The following TBCD variants were observed in gnomAD, a reference collection of about 807,000 sequenced individuals.
TBCD encodes the protein tubulin-specific chaperone D.
TBCD carries 105 observed loss-of-function variants against 169.3 expected under a neutral mutation model. The ratio of observed to expected loss-of-function variants is 0.62; its 90% CI spans 0.53 to 0.73. TBCD has a LOEUF of 0.73. Ranked by LOEUF, TBCD falls within the 30% of genes least tolerant of loss-of-function variation. The pLI, the probability that TBCD is intolerant of heterozygous loss-of-function variation, is 0.00. For synonymous variants in TBCD, 700 were observed against 643.9 expected (o/e 1.09, Z -1.32); for missense variants, 1,444 against 1,600.1 (o/e 0.90, Z 1.66).
intron 13 of TBCD, chr17:82,858,747 A>C: frequency 1.3e-6 from 1 of 764,584 alleles, no homozygotes; most frequent in Non-Finnish European, 1.6e-6. Flanking sequence ...TGAGTGTGTG[A>C]AGGGCCTGTC....
At chr17:82,911,833 A>G in intron 23 of TBCD, 44 bp downstream of exon 23, 1 of 1,610,322 alleles carries the variant, frequency 6.2e-7, no homozygotes, top group Non-Finnish European at 8.5e-7. Flanking sequence ...CCTTTGCCGC[A>G]GCCATCGTTG....
At chr17:82,792,399 A>G (rs1172472412) in intron 7 of TBCD, among the ~76,000 whole-genome samples, 3 of 152,210 alleles carry the variant, frequency 2.0e-5, no homozygotes, top group Admixed American at 6.5e-5. Context: ...ATGTATATAT[A>G]AAATCCTTTT....
intron 2 of TBCD, among the ~76,000 whole-genome samples, chr17:82,762,809 G>C (rs1016585135): frequency 5.9e-5 from 9 of 151,928 alleles, no homozygotes; most frequent in African/African-American, 2.2e-4. Flanking sequence ...AGATTGTACT[G>C]TTGACCATTT....
Position 82,921,331 on chromosome 17 carries a change from GC to G in TBCD, c.2102-168del. The G allele has an allele frequency of 4.7e-6, 3 of 639,970 alleles. No homozygotes were observed. The South Asian group carries it at 5.5e-5, about 12-fold the overall frequency. 39.6% of individuals were successfully genotyped at this position (639,970 alleles called of 1,614,324 possible). On this transcript the variant is annotated intron_variant, in intron 24 of 38. Coordinates refer to ENST00000355528, the MANE Select transcript of TBCD (RefSeq NM_005993.5). ...AATTTAACAGCCATGAGAGGAAGGG[GC>G]CTTAGACTTAACACAACGTGGAGAA...
chr17:82,921,416 G>A (rs968050328), intron 24 of TBCD, 85 bp from the exon 25 acceptor site: 2 of 1,070,238 alleles, frequency 1.9e-6, no homozygotes, highest in Non-Finnish European at 2.9e-6. Context: ...TTTAAGATTA[G>A]TATTAATAGA....
chr17:82,929,418 C>A lies in TBCD; in HGVS notation c.2909C>A (p.Thr970Asn). Residue 970 changes from threonine to asparagine, a missense_variant, in exon 32 of 39, where the codon ACC (threonine) becomes AAC (asparagine). Coordinates refer to ENST00000355528, the MANE Select transcript of TBCD (RefSeq NM_005993.5). ...SAPSQAFPRI[T>N]QLLGLPTYRY... Reference sequence around the variant, plus strand: ...CCTTCCCAGGCCTTCCCACGCATCACCCAGCTCCTTGGGCTGCCCACCTAC... The same window carrying A: ...CCTTCCCAGGCCTTCCCACGCATCAACCAGCTCCTTGGGCTGCCCACCTAC... The A allele has an allele frequency of 6.2e-7, 1 of 1,612,940 alleles. No individual in the cohort carries two copies. The highest frequency in any genetic ancestry group is 8.5e-7 in the Non-Finnish European group (1 of 1,179,888).
At chr17:82,877,678 A>G (rs982797952) in intron 14 of TBCD, among the ~76,000 whole-genome samples, 15 of 152,218 alleles carry the variant, frequency 9.9e-5, no homozygotes, top group African/African-American at 3.6e-4. Flanking sequence ...GATCACATTC[A>G]TATGTCTTGA....
chr17:82,793,727 G>T (rs867927781), intron 7 of TBCD, among the ~76,000 whole-genome samples: 1 of 152,168 alleles, frequency 6.6e-6, no homozygotes, highest in Non-Finnish European at 1.5e-5. Context: ...ATCCTCTTCC[G>T]TGCCTGTCCT....
intron 37 of TBCD, among the ~76,000 whole-genome samples, chr17:82,941,055 C>T (rs954821962): frequency 1.1e-4 from 17 of 152,356 alleles, no homozygotes; most frequent in Admixed American, 6.5e-4. Flanking sequence ...ATTTTTATTT[C>T]GCATCAACAG....
chr17:82,846,528 G>A lies in TBCD; in HGVS notation c.1319-23696G>A, dbSNP rs147262403. Among the ~76,000 whole-genome samples the A allele has an allele frequency of 3.6e-3, 545 of 152,348 alleles. 4 individuals carry two copies. The highest frequency in any genetic ancestry group is 0.011 in the African/African-American group (463 of 41,582). On this transcript the variant is annotated intron_variant, in intron 13 of 38. Coordinates refer to ENST00000355528, the MANE Select transcript of TBCD (RefSeq NM_005993.5). ...GCTGTGGCCTCTGCCTTCCGTCCCT[G>A]GCGGTAGTGAGACTGGCTGAGACCC...
chr17:82,760,769 A>G (rs369535861), intron 2 of TBCD, among the ~76,000 whole-genome samples: 3 of 152,044 alleles, frequency 2.0e-5, no homozygotes, highest in Non-Finnish European at 2.9e-5. Context: ...AAGCAACCCA[A>G]CTCCCATCAA....
In TBCD at chr17:82,915,137, A is replaced by G. The variant is rs1205552295; in HGVS notation, c.2038+3348A>G. On this transcript the variant is annotated intron_variant, in intron 23 of 38. Coordinates refer to ENST00000355528, the MANE Select transcript of TBCD (RefSeq NM_005993.5). This position sits in a 1 kb window ranked among gnomAD's most constrained non-coding sequence, Gnocchi z 4.3. ...CGGGTTCACGGGCTACATGTGGGAGACGGGGAGGGGCTGCTGGTCACTTTC... is the reference window on the plus strand; with the variant it reads ...CGGGTTCACGGGCTACATGTGGGAGGCGGGGAGGGGCTGCTGGTCACTTTC... 6.6e-6 allele frequency among the ~76,000 whole-genome samples: 1 copy of G among 151,994 alleles called. No individual in the cohort carries two copies. Among genetic ancestry groups the G allele is most frequent in the African/African-American group, 2.4e-5 (1 of 41,352 alleles).
At chr17:82,809,649 G>C in intron 11 of TBCD, 59 bp from the exon 12 acceptor site, 1 of 1,556,500 alleles carries the variant, frequency 6.4e-7, no homozygotes, top group Non-Finnish European at 8.8e-7. Flanking sequence ...CACGTGTCAC[G>C]CATGCCCTTG....
At chr17:82,871,795 G>T (rs1050834110) in intron 14 of TBCD, among the ~76,000 whole-genome samples, 9 of 152,180 alleles carry the variant, frequency 5.9e-5, no homozygotes, top group African/African-American at 2.2e-4. Flanking sequence ...CCTGGGGCCC[G>T]CTTGGCTTTG....
intron 5 of TBCD, among the ~76,000 whole-genome samples, chr17:82,770,471 T>A (rs1053177723): frequency 1.3e-5 from 2 of 151,946 alleles, no homozygotes; most frequent in Non-Finnish European, 2.9e-5. Context: ...TGGTGGCACG[T>A]GCCTGTAGTC....
intron 2 of TBCD, 120 bp downstream of exon 2, chr17:82,756,335 C>A: frequency 2.8e-6 from 3 of 1,058,144 alleles, no homozygotes; most frequent in South Asian, 1.4e-5. Flanking sequence ...GTGTCCCTGT[C>A]TTGCTTGCCT....
chr17:82,782,600 G>C lies in TBCD; in HGVS notation c.771+879G>C, dbSNP rs114408222. 1.0e-2 allele frequency among the ~76,000 whole-genome samples: 1,517 copies of C among 152,286 alleles called. 21 individuals carry two copies. Among genetic ancestry groups the C allele is most frequent in the African/African-American group, 0.035 (1,442 of 41,550 alleles). ...CAAGTGATCCTCCTGCCTTTGTGATGATCCCAAAGTGCTGGGATTACAGGC... is the reference window on the plus strand; with the variant it reads ...CAAGTGATCCTCCTGCCTTTGTGATCATCCCAAAGTGCTGGGATTACAGGC... On this transcript the variant is annotated intron_variant, in intron 7 of 38. Coordinates refer to ENST00000355528, the MANE Select transcript of TBCD (RefSeq NM_005993.5). The surrounding 1 kb of genome is among the most constrained non-coding windows in gnomAD (Gnocchi z 5.1).
chr17:82,846,274 CCTCTTGTCCAG>C (rs1567878958), intron 13 of TBCD, among the ~76,000 whole-genome samples: 19 of 150,494 alleles, frequency 1.3e-4, no homozygotes, highest in Non-Finnish European at 1.9e-4. Context: ...TGTGCTGTGT[CCTCTTGTCCAG>C]CCCTCTGCTG....
chr17:82,830,255 G>C (rs747560635), intron 13 of TBCD: 3 of 1,614,210 alleles, frequency 1.9e-6, no homozygotes, highest in Non-Finnish European at 2.5e-6. Context: ...GTCCTCTTTT[G>C]TCCTTTGGGT....
Sources: gnomAD v4.1 joint callset for allele counts (sites outside exome capture counted in the v4.1 genomes callset) on GRCh38, gnomAD v4.1.1 for gene constraint, Gnocchi (gnomAD v3.1) non-coding constraint, MANE v1.5 for transcripts, NCBI Gene and HGNC (gene_info 2026-07-23, HGNC 2026-07-21) for gene names.